KDM2B: variants seen among roughly 807,000 people sequenced by gnomAD.
KDM2B encodes the protein lysine demethylase 2B.
Under a neutral mutation model 150.0 loss-of-function variants are expected in KDM2B, and 26 were observed. The observed-to-expected ratio is 0.17, with a 90% confidence interval of 0.13 to 0.24. The LOEUF is 0.24. KDM2B is among the 10% of genes least tolerant of loss of function. The probability of loss-of-function intolerance (pLI) is 1.00; values close to 1 mark genes in which losing one functional copy is unlikely to be tolerated. For missense variants in KDM2B, 1,265 were observed against 1,816.9 expected (o/e 0.70, Z 5.52); for synonymous variants, 734 against 729.5 (o/e 1.01, Z -0.10).
chr12:121,582,093 G>T (rs1327952537), upstream of KDM2B, among the ~76,000 whole-genome samples: 2 of 152,140 alleles, frequency 1.3e-5, no homozygotes, highest in Non-Finnish European at 2.9e-5. Flanking sequence ...GAGTGCTGCC[G>T]GTTCTGCCTT....
At chr12:121,500,064 G>A (rs1436976936) in intron 11 of KDM2B, among the ~76,000 whole-genome samples, 2 of 151,974 alleles carry the variant, frequency 1.3e-5, no homozygotes, top group Non-Finnish European at 2.9e-5. Context: ...GCCCCCCTGC[G>A]GCCACCAGGG....
chr12:121,569,757 G>C (rs554438244), intron 4 of KDM2B, among the ~76,000 whole-genome samples: 1 of 152,210 alleles, frequency 6.6e-6, no homozygotes, highest in Non-Finnish European at 1.5e-5. Context: ...AACATTCATC[G>C]CTCCATTTGA....
upstream of KDM2B, chr12:121,581,073 A>G (rs1891939862): frequency 1.1e-6 from 1 of 906,994 alleles, no homozygotes; most frequent in African/African-American, 1.7e-5. Flanking sequence ...TGACCGGAAG[A>G]CGTTGCCTTT....
rs1888835103 is a variant in KDM2B, at chr12:121,544,164, T to TG, written c.683+4712_683+4713insC. On this transcript the variant is annotated intron_variant, in intron 6 of 22. Coordinates refer to ENST00000377071, the MANE Select transcript of KDM2B (RefSeq NM_032590.5). ...CCAGGTACACACCTATAGTCCTAGCTACTCAGGAGGCTGATGTAGGAGGAT... is the reference window on the plus strand; with the variant it reads ...CCAGGTACACACCTATAGTCCTAGCTGACTCAGGAGGCTGATGTAGGAGGAT... Among the ~76,000 whole-genome samples the TG allele has an allele frequency of 2.1e-5, 3 of 145,532 alleles. No individual in the cohort carries two copies. The South Asian group carries it at 6.8e-4, about 33-fold the overall frequency.
chr12:121,475,330 C>T (rs1028934482), intron 12 of KDM2B, among the ~76,000 whole-genome samples: 26 of 151,786 alleles, frequency 1.7e-4, no homozygotes, highest in Admixed American at 8.6e-4. Context: ...AGCTCATACC[C>T]GTAATGCCAA....
chr12:121,511,985 C>T (rs1389607015), intron 10 of KDM2B, among the ~76,000 whole-genome samples: 3 of 152,130 alleles, frequency 2.0e-5, no homozygotes, highest in Admixed American at 2.0e-4. Flanking sequence ...AGCACCACCT[C>T]GAGATTTCCT....
At chr12:121,474,368 T>C (rs1555296393) in intron 12 of KDM2B, among the ~76,000 whole-genome samples, 1 of 151,954 alleles carries the variant, frequency 6.6e-6, no homozygotes, top group Non-Finnish European at 1.5e-5. Context: ...ACAAAAAAAT[T>C]AGCTGGGCGC....
chr12:121,491,952 CAGG>C (rs1883414840), intron 12 of KDM2B, among the ~76,000 whole-genome samples: 1 of 152,126 alleles, frequency 6.6e-6, no homozygotes, highest in Non-Finnish European at 1.5e-5. Context: ...TGCTTGAGCT[CAGG>C]AGTTCAGCCT....
At chr12:121,420,695 A>C in the KDM2B span, 1 of 1,614,210 alleles carries the variant, frequency 6.2e-7, no homozygotes, top group Non-Finnish European at 8.5e-7. Context: ...AATTTTGTCA[A>C]CTATTCTGGC....
At chr12:121,577,437 G>C (rs938537286) in intron 2 of KDM2B, among the ~76,000 whole-genome samples, 2 of 152,152 alleles carry the variant, frequency 1.3e-5, no homozygotes, top group African/African-American at 4.8e-5. Flanking sequence ...AATCAGCTGG[G>C]ACTAGCACCC....
intron 11 of KDM2B, among the ~76,000 whole-genome samples, chr12:121,496,435 C>T (rs181196033): frequency 7.3e-5 from 11 of 151,634 alleles, no homozygotes; most frequent in Admixed American, 3.3e-4. Flanking sequence ...TTCACCTTTC[C>T]TAATTCACTT....
intron 12 of KDM2B, among the ~76,000 whole-genome samples, chr12:121,476,372 T>C (rs1881378891): frequency 1.3e-5 from 2 of 151,882 alleles, no homozygotes; most frequent in Admixed American, 1.3e-4. Flanking sequence ...GGGAGTACTG[T>C]TTGAGCTCAG....
At chr12:121,486,051 AC>A (rs1307900315) in intron 12 of KDM2B, among the ~76,000 whole-genome samples, 28 of 151,794 alleles carry the variant, frequency 1.8e-4, no homozygotes, top group Admixed American at 1.4e-3. Flanking sequence ...TGCTGGAATT[AC>A]AGGCGTGAGC....
chr12:121,563,984 G>A (rs1890523651), intron 4 of KDM2B, among the ~76,000 whole-genome samples: 1 of 152,030 alleles, frequency 6.6e-6, no homozygotes, highest in South Asian at 2.1e-4. Flanking sequence ...GGGCATGGTG[G>A]CGCACCTGTA....
chr12:121,501,100 C>CA (rs1270858550), intron 11 of KDM2B, among the ~76,000 whole-genome samples: 34 of 151,228 alleles, frequency 2.2e-4, no homozygotes, highest in African/African-American at 8.2e-4. Context: ...GATTCCATCT[C>CA]AAAAAAAAAT....
chr12:121,477,129 G>C (rs1297552652), intron 12 of KDM2B, among the ~76,000 whole-genome samples: 1 of 151,908 alleles, frequency 6.6e-6, no homozygotes, highest in African/African-American at 2.4e-5. Context: ...CTGGAGTGCA[G>C]TGGTGCCAAT....
the KDM2B span, chr12:121,416,503 C>T: frequency 8.9e-6 from 6 of 677,126 alleles, no homozygotes; most frequent in Admixed American, 1.7e-4. Flanking sequence ...TTCCATTAGC[C>T]ATTTTCCATC....
intron 4 of KDM2B, among the ~76,000 whole-genome samples, chr12:121,570,430 C>T (rs1402110798): frequency 6.6e-6 from 1 of 152,166 alleles, no homozygotes; most frequent in Non-Finnish European, 1.5e-5. Context: ...AATCGATCCT[C>T]CTACCTTGGC....
chr12:121,409,567 C>A, the KDM2B span: 29,039 of 152,072 alleles, frequency 0.19, 4,285 homozygotes, highest in African/African-American at 0.41. Flanking sequence ...ATCAGAATTA[C>A]CCAGGGAGTT....
Sources: gnomAD v4.1 joint callset for allele counts (sites outside exome capture counted in the v4.1 genomes callset) on GRCh38, gnomAD v4.1.1 for gene constraint, MANE v1.5 for transcripts, NCBI Gene and HGNC (gene_info 2026-07-23, HGNC 2026-07-21) for gene names.